The following PRH1 variants were observed in gnomAD, a reference collection of about 807,000 sequenced individuals.
PRH1 encodes proline rich protein HaeIII subfamily 1, also known as salivary acidic proline-rich phosphoprotein 1/2.
Under a neutral mutation model 7.9 loss-of-function variants are expected in PRH1, and 7 were observed. The observed-to-expected ratio is 0.89, with a 90% CI of 0.50 to 1.67. The LOEUF is 1.67. Ranked by LOEUF, PRH1 falls within the 40% of genes most tolerant of loss-of-function variation. The pLI is 0.00. For synonymous variants in PRH1, 45 were observed against 80.8 expected (o/e 0.56, Z 2.38); for missense variants, 109 against 223.6 (o/e 0.49, Z 3.27).
chr12:10,890,888 AGTAGG>A (rs1325320301), intron 2 of PRH1, among the ~76,000 whole-genome samples: 1 of 150,876 alleles, frequency 6.6e-6, no homozygotes, highest in African/African-American at 2.4e-5. Context: ...TGCACCTCCC[AGTAGG>A]GTCTCTTTTG....
intron 1 of PRH1, chr12:11,021,983 G>A: frequency 1.9e-6 from 3 of 1,599,650 alleles, no homozygotes; most frequent in Non-Finnish European, 2.6e-6. Context: ...CAGATTAACA[G>A]CAGAAAACAT....
At chr12:11,128,119 A>AAAAAAAAAAAAAAG (rs1555170701) in intron 1 of PRH1, among the ~76,000 whole-genome samples, 12 of 151,240 alleles carry the variant, frequency 7.9e-5, no homozygotes, top group African/African-American at 1.5e-4. Flanking sequence ...TCAAAAAAAA[A>AAAAAAAAAAAAAAG]AAAAAGAAAA....
chr12:10,964,730 T>G (rs552393926), intron 2 of PRH1: 1 of 659,132 alleles, frequency 1.5e-6, no homozygotes, highest in South Asian at 1.6e-5. Context: ...GAACTGCATC[T>G]TCTTGAGATG....
intron 1 of PRH1, chr12:11,091,470 T>C: frequency 7.7e-7 from 1 of 1,296,560 alleles, no homozygotes; most frequent in South Asian, 1.2e-5. Flanking sequence ...TTTTCCAGAC[T>C]TCCAAAACTC....
At chr12:11,142,916 A>G (rs529585570) in intron 1 of PRH1, among the ~76,000 whole-genome samples, 1 of 152,314 alleles carries the variant, frequency 6.6e-6, no homozygotes, top group East Asian at 1.9e-4. Context: ...GGATTTCATA[A>G]ACACCAGATC....
intron 1 of PRH1, among the ~76,000 whole-genome samples, chr12:11,020,677 TA>T (rs1941576807): frequency 6.8e-6 from 1 of 146,382 alleles, no homozygotes; most frequent in Non-Finnish European, 1.5e-5. Context: ...ATGTAATTTT[TA>T]CATAATTTTT....
chr12:11,018,986 G>A (rs1218828852), intron 1 of PRH1, among the ~76,000 whole-genome samples: 4 of 152,246 alleles, frequency 2.6e-5, no homozygotes, highest in African/African-American at 7.2e-5. Context: ...GGAAAGGGGA[G>A]AGGAAAAGAG....
At chr12:10,986,223 C>T (rs557659746) in intron 1 of PRH1, 1 of 1,614,086 alleles carries the variant, frequency 6.2e-7, no homozygotes, top group Non-Finnish European at 8.5e-7. Context: ...CGATCCTTCT[C>T]CATGGAGCTG....
chr12:11,089,032 C>A lies in PRH1; in HGVS notation n.124-41844G>T, dbSNP rs1434288386. Among the ~76,000 whole-genome samples the A allele has an allele frequency of 3.4e-5, 4 of 116,046 alleles. 1 individual carries two copies. Among genetic ancestry groups the A allele is most frequent in the African/African-American group, 1.2e-4 (4 of 34,640 alleles). The allele number at this position is 116,046 out of a possible 152,430, so 76.1% of individuals were successfully genotyped here. A position where few individuals can be genotyped will look rare whatever the true frequency, so the allele number is the denominator to read the frequency against. The stretch of plus-strand genomic sequence containing the variant: ...GCACAAAACCCTATGCAACTGTGGA[C>A]GTCATATGCTCATAAAGCCAGCCAT... On this transcript the variant is annotated intron_variant and non_coding_transcript_variant, in intron 1 of 4. Coordinates refer to the PRH1 transcript ENST00000541977.
In PRH1 at chr12:11,079,791, C is replaced by T. The variant is rs1395057673; in HGVS notation, n.124-32603G>A. ...CATGTCAAGTTTCAGAAAGGTGCAACTAAAATCAGAAAGTTTCTACTTAAA... is the reference window on the plus strand; with the variant it reads ...CATGTCAAGTTTCAGAAAGGTGCAATTAAAATCAGAAAGTTTCTACTTAAA... On this transcript the variant is annotated intron_variant and non_coding_transcript_variant, in intron 1 of 4. Transcript: ENST00000541977. Among the ~76,000 whole-genome samples, 4 of 116,362 alleles carry T rather than the reference C, an allele frequency of 3.4e-5. 1 individual carries two copies. The highest frequency in any genetic ancestry group is 8.7e-5 in the African/African-American group (3 of 34,678). The allele number at this position is 116,362 out of a possible 152,430, so 76.3% of individuals were successfully genotyped here.
chr12:10,909,047 A>G (rs1339360344), intron 2 of PRH1: 1 of 1,613,702 alleles, frequency 6.2e-7, no homozygotes, highest in East Asian at 2.2e-5. Context: ...TAAAAATCAT[A>G]ATTCTTAATC....
At chr12:10,984,745 T>C (rs1204256605) in intron 1 of PRH1, among the ~76,000 whole-genome samples, 1 of 152,116 alleles carries the variant, frequency 6.6e-6, no homozygotes, top group African/African-American at 2.4e-5. Context: ...TTTAATTGTT[T>C]AATGATGTTA....
intron 1 of PRH1, among the ~76,000 whole-genome samples, chr12:11,150,483 A>T (rs10126059): frequency 0.45 from 68,851 of 151,562 alleles, 16,452 homozygotes; most frequent in Non-Finnish European, 0.52. Context: ...TGGAATACTA[A>T]GCAGCCATAA....
At chr12:11,065,737 C>A (rs1268848063) in intron 1 of PRH1, among the ~76,000 whole-genome samples, 2 of 152,144 alleles carry the variant, frequency 1.3e-5, no homozygotes, top group East Asian at 3.8e-4. Flanking sequence ...ATTTTTAGCA[C>A]ACCTGACATG....
intron 1 of PRH1, chr12:10,986,403 A>T: frequency 1.2e-6 from 2 of 1,614,082 alleles, no homozygotes; most frequent in Non-Finnish European, 1.7e-6. Context: ...TTCTGCCCAC[A>T]TACTCTCATC....
chr12:10,896,380 C>T (rs1351532711), intron 2 of PRH1, among the ~76,000 whole-genome samples: 1 of 152,156 alleles, frequency 6.6e-6, no homozygotes, highest in East Asian at 1.9e-4. Flanking sequence ...TTATCAACCT[C>T]ACTAATGCAG....
chr12:11,167,833 G>T (rs1449102118), intron 1 of PRH1, among the ~76,000 whole-genome samples: 1 of 152,066 alleles, frequency 6.6e-6, no homozygotes, highest in Non-Finnish European at 1.5e-5. Context: ...TTCTCTTTTG[G>T]TCTACTGCTA....
rs866507434 is a variant in PRH1 at position 11,096,935 on chromosome 12, C to A, written n.124-49747G>T. Among the ~76,000 whole-genome samples the A allele has an allele frequency of 5.3e-5, 6 of 113,092 alleles. 1 individual carries two copies. The allele number at this position is 113,092 out of a possible 152,430, so 74.2% of individuals were successfully genotyped here. A position where few individuals can be genotyped will look rare whatever the true frequency, so the allele number is the denominator to read the frequency against. On this transcript the variant is annotated intron_variant and non_coding_transcript_variant, in intron 1 of 4. Coordinates refer to the PRH1 transcript ENST00000541977. ...GCCCCAGCCTCCCAAGTAGCTGGGA[C>A]TACAGGCACCCACCACCACGCTCGG... is the stretch of plus-strand genomic sequence containing the variant.
intron 1 of PRH1, among the ~76,000 whole-genome samples, chr12:11,036,183 G>A (rs1409265106): frequency 2.6e-5 from 4 of 151,616 alleles, no homozygotes; most frequent in Non-Finnish European, 4.4e-5. Flanking sequence ...GTGAGCCACC[G>A]CGCCCGCCCT....
Sources: allele counts gnomAD v4.1 joint callset (sites outside exome capture counted in the v4.1 genomes callset), GRCh38; gene constraint gnomAD v4.1.1; transcripts MANE v1.5; gene names NCBI Gene and HGNC (gene_info 2026-07-23, HGNC 2026-07-21).